PTH2R: variants seen among roughly 807,000 people sequenced by gnomAD.
PTH2R encodes the protein PTH2 receptor.
PTH2R carries 59 observed loss-of-function variants against 60.3 expected under a neutral mutation model. The observed-to-expected ratio is 0.98, with a 90% CI of 0.79 to 1.22. The LOEUF is 1.22. Ranked by LOEUF, PTH2R falls within the 50% of genes most tolerant of loss-of-function variation. The pLI is 0.00. For missense variants in PTH2R, 749 were observed against 682.6 expected (o/e 1.10, Z -1.08); for synonymous variants, 256 against 243.8 (o/e 1.05, Z -0.47).
intron 1 of PTH2R, chr2:208,360,333 C>T (rs1294098380): frequency 1.6e-5 from 5 of 316,002 alleles, no homozygotes; most frequent in South Asian, 7.9e-5. Context: ...ACACCCGGAG[C>T]GGCGGCCTCC....
intron 1 of PTH2R, among the ~76,000 whole-genome samples, chr2:208,397,667 A>G (rs980892751): frequency 2.6e-5 from 4 of 152,238 alleles, no homozygotes; most frequent in African/African-American, 9.6e-5. Context: ...TCTTACTGGC[A>G]TAGTGCCCAG....
intron 2 of PTH2R, among the ~76,000 whole-genome samples, chr2:208,428,851 G>A (rs576206757): frequency 2.0e-5 from 3 of 152,272 alleles, no homozygotes; most frequent in East Asian, 3.9e-4. Context: ...TTGGGAGGCC[G>A]AGGTGGGCGG....
At chr2:208,374,950 G>A (rs1201537359) in intron 1 of PTH2R, among the ~76,000 whole-genome samples, 1 of 152,130 alleles carries the variant, frequency 6.6e-6, no homozygotes, top group African/African-American at 2.4e-5. Flanking sequence ...GGAGCTTGCA[G>A]TTTAGTGGTG....
chr2:208,382,310 C>T (rs895451274), intron 1 of PTH2R, among the ~76,000 whole-genome samples: 8 of 152,004 alleles, frequency 5.3e-5, no homozygotes, highest in African/African-American at 1.9e-4. Context: ...TTTCATATCT[C>T]TTGGGTAAAT....
chr2:208,483,224 G>A (rs1006003144), intron 10 of PTH2R, among the ~76,000 whole-genome samples: 5 of 152,080 alleles, frequency 3.3e-5, no homozygotes, highest in African/African-American at 1.2e-4. Context: ...GCTGTCAGTG[G>A]TAGTATTATA....
chr2:208,389,603 A>G (rs1441208556), intron 1 of PTH2R, among the ~76,000 whole-genome samples: 3 of 152,200 alleles, frequency 2.0e-5, no homozygotes, highest in Admixed American at 2.0e-4. Flanking sequence ...CCCTATGTCT[A>G]GGCTATGTAT....
At chr2:208,479,566 G>A (rs1396586110) in intron 9 of PTH2R, among the ~76,000 whole-genome samples, 8 of 152,198 alleles carry the variant, frequency 5.3e-5, no homozygotes, top group Admixed American at 2.6e-4. Flanking sequence ...TAGCACTCAC[G>A]TGCTTCTTTC....
intron 1 of PTH2R, among the ~76,000 whole-genome samples, chr2:208,370,114 TAGAA>T (rs1281274647): frequency 6.6e-6 from 1 of 151,832 alleles, no homozygotes; most frequent in Non-Finnish European, 1.5e-5. Flanking sequence ...CTATATAAAT[TAGAA>T]AGGAAAAATT....
intron 9 of PTH2R, among the ~76,000 whole-genome samples, chr2:208,478,802 G>A (rs190358632): frequency 6.6e-6 from 1 of 152,112 alleles, no homozygotes; most frequent in Non-Finnish European, 1.5e-5. Flanking sequence ...TTAAGGCCCT[G>A]CCGCTTGCTA....
intron 9 of PTH2R, among the ~76,000 whole-genome samples, chr2:208,478,433 A>G (rs1275016577): frequency 6.6e-6 from 1 of 152,010 alleles, no homozygotes; most frequent in Non-Finnish European, 1.5e-5. Context: ...CCCTTCCTCC[A>G]TCATCAAAGC....
At chr2:208,434,906 AG>A (rs1339864587) in intron 2 of PTH2R, among the ~76,000 whole-genome samples, 1 of 152,228 alleles carries the variant, frequency 6.6e-6, no homozygotes, top group Non-Finnish European at 1.5e-5. Flanking sequence ...CACCAGAAGC[AG>A]GAGCCAGTGG....
intron 1 of PTH2R, among the ~76,000 whole-genome samples, chr2:208,423,732 C>A (rs1477789799): frequency 1.3e-5 from 2 of 152,060 alleles, no homozygotes; most frequent in Non-Finnish European, 2.9e-5. Context: ...TCTCTTCTTT[C>A]ATTCTATCAG....
At chr2:208,360,477 C>G (rs11693927) in intron 1 of PTH2R, among the ~76,000 whole-genome samples, 252 of 152,306 alleles carry the variant, frequency 1.7e-3, no homozygotes, top group Non-Finnish European at 2.9e-3. Context: ...GGGCCAGACC[C>G]GGCTGAGACT....
At chr2:208,477,952 G>GTA (rs1285526086) in intron 9 of PTH2R, among the ~76,000 whole-genome samples, 14 of 27,738 alleles carry the variant, frequency 5.0e-4, no homozygotes, top group African/African-American at 8.5e-4. Context: ...AGTAGTACTA[G>GTA]CACTACTACT....
intron 1 of PTH2R, among the ~76,000 whole-genome samples, chr2:208,384,868 TC>T (rs2125878578): frequency 6.6e-6 from 1 of 152,344 alleles, no homozygotes; most frequent in East Asian, 1.9e-4. Context: ...TGGGCTCTCA[TC>T]TTTTTGCAGC....
intron 7 of PTH2R, among the ~76,000 whole-genome samples, chr2:208,450,300 TG>T (rs1386700442): frequency 2.0e-5 from 3 of 152,224 alleles, no homozygotes; most frequent in African/African-American, 7.2e-5. Flanking sequence ...TGCCTCAGTA[TG>T]CCTTCCATTT....
At chr2:208,409,536 C>T (rs1377894201) in intron 1 of PTH2R, among the ~76,000 whole-genome samples, 1 of 152,082 alleles carries the variant, frequency 6.6e-6, no homozygotes, top group Non-Finnish European at 1.5e-5. Flanking sequence ...TGCTAGCTAA[C>T]ACAGATATTT....
chr2:208,407,009 G>A lies in PTH2R; in HGVS notation c.-35G>A, dbSNP rs938737974. ...TGGAAGCTTCTCCCGGGCTCTGGAG[G>A]AGGGTCCCTGCTTCTTCCTACAGCC... On this transcript the variant is annotated 5_prime_UTR_variant, in exon 1 of 13. Transcript: ENST00000272847. The A allele has an allele frequency of 7.3e-7, 1 of 1,369,516 alleles. No individual in the cohort carries two copies. The highest frequency in any genetic ancestry group is 9.5e-7 in the Non-Finnish European group (1 of 1,054,124). 84.8% of individuals were successfully genotyped at this position (1,369,516 alleles called of 1,614,324 possible).
intron 9 of PTH2R, among the ~76,000 whole-genome samples, chr2:208,470,645 C>A (rs1020741165): frequency 7.3e-5 from 11 of 151,420 alleles, no homozygotes; most frequent in East Asian, 3.8e-4. Context: ...GTCCATTAAA[C>A]CTTTTTTTTC....
Sources: gnomAD v4.1 joint callset for allele counts (sites outside exome capture counted in the v4.1 genomes callset) on GRCh38, gnomAD v4.1.1 for gene constraint, MANE v1.5 for transcripts, NCBI Gene and HGNC (gene_info 2026-07-23, HGNC 2026-07-21) for gene names.